The following TNN variants were observed in gnomAD, a reference collection of about 807,000 sequenced individuals.
TNN encodes the protein tenascin N, also known as tenascin-N.
A neutral mutation model predicts 134.4 loss-of-function variants in TNN; 122 were observed. The ratio of observed to expected loss-of-function variants is 0.91; its 90% CI spans 0.78 to 1.06. The LOEUF is 1.06. Ranked by LOEUF, TNN falls within the 50% of genes least tolerant of loss-of-function variation. The pLI is 0.00. For missense variants in TNN, 1,739 were observed against 1,699.4 expected (o/e 1.02, Z -0.41); for synonymous variants, 710 against 670.3 (o/e 1.06, Z -0.91).
chr1:175,104,884 G>A (rs1218693888), intron 9 of TNN, among the ~76,000 whole-genome samples: 1 of 145,628 alleles, frequency 6.9e-6, no homozygotes, highest in Non-Finnish European at 1.5e-5. Flanking sequence ...GGGTTATGGT[G>A]GATATCATTG....
chr1:175,119,608 T>G (rs1675290611), intron 11 of TNN, among the ~76,000 whole-genome samples: 2 of 149,588 alleles, frequency 1.3e-5, no homozygotes, highest in Admixed American at 6.7e-5. Context: ...ATGGACCCAG[T>G]GGGAGCAGTC....
At chr1:175,081,848 C>T (rs981277622) in intron 4 of TNN, among the ~76,000 whole-genome samples, 1 of 152,166 alleles carries the variant, frequency 6.6e-6, no homozygotes, top group Non-Finnish European at 1.5e-5. Flanking sequence ...GGATTGGGTG[C>T]TGTCAAGAAG....
intron 1 of TNN, among the ~76,000 whole-genome samples, chr1:175,075,042 GA>G (rs1421911241): frequency 6.6e-6 from 1 of 152,198 alleles, no homozygotes; most frequent in African/African-American, 2.4e-5. Context: ...TAATTACGAG[GA>G]ATAATGCACC....
intron 9 of TNN, among the ~76,000 whole-genome samples, chr1:175,101,606 A>C (rs1674725966): frequency 1.3e-5 from 2 of 149,468 alleles, no homozygotes; most frequent in East Asian, 4.1e-4. Context: ...GTGCGTTTAC[A>C]ATCCCTGAGC....
At chr1:175,140,459 C>G (rs529612399) in intron 17 of TNN, among the ~76,000 whole-genome samples, 2 of 152,214 alleles carry the variant, frequency 1.3e-5, no homozygotes, top group Non-Finnish European at 2.9e-5. Context: ...CCTGTCCTCC[C>G]GGGCTGCACA....
intron 16 of TNN, among the ~76,000 whole-genome samples, 176 bp downstream of exon 16, chr1:175,136,117 A>G (rs1229890026): frequency 6.6e-6 from 1 of 152,068 alleles, no homozygotes; most frequent in Non-Finnish European, 1.5e-5. Context: ...GCTGTCTTGC[A>G]CTCTGAACTT....
chr1:175,105,016 G>A (rs1289860612), intron 9 of TNN, among the ~76,000 whole-genome samples: 4 of 145,862 alleles, frequency 2.7e-5, no homozygotes, highest in African/African-American at 7.4e-5. Context: ...TACTGGGGAT[G>A]GCTTGCTGAC....
In TNN at chr1:175,098,367, G is replaced by A. The variant is rs1674625268; in HGVS notation, c.1891G>A (p.Val631Met). The A allele has an allele frequency of 5.6e-6, 9 of 1,614,192 alleles. No individual in the cohort carries two copies. The highest frequency in any genetic ancestry group is 1.6e-4 in the Middle Eastern group (1 of 6,062). The change falls in exon 9 of 19, where the codon GTG (valine) becomes ATG (methionine). Residue 631 changes from valine to methionine, a missense_variant. Physicochemically the swap from Val to Met is conservative, Grantham distance 21. Coordinates refer to ENST00000239462, the MANE Select transcript of TNN (RefSeq NM_022093.2). ...CCCCAAAAACCTGGTGACTGACCGG[G>A]TGACAGAGAATATGGCCACGGTCTC... Reference protein sequence around the residue: ...DSPKNLVTDRVTENMATVSWD... With the variant: ...DSPKNLVTDRMTENMATVSWD...
chr1:175,106,442 C>G (rs1255643188), intron 9 of TNN, among the ~76,000 whole-genome samples: 1 of 145,784 alleles, frequency 6.9e-6, no homozygotes, highest in East Asian at 2.3e-4. Flanking sequence ...ACGATGGGGC[C>G]TTGGGCAAAA....
chr1:175,125,717 CTTTCTTTCTTTCTT>C (rs1675499942), intron 12 of TNN, among the ~76,000 whole-genome samples: 1 of 77,062 alleles, frequency 1.3e-5, no homozygotes, highest in Non-Finnish European at 2.3e-5. Flanking sequence ...TTCTTTCTTT[CTTTCTTTCTTTCTT>C]TCTTTCTTTC....
chr1:175,083,714 C>T (rs979408007), intron 4 of TNN, 36 bp from the exon 5 acceptor site: 1 of 1,601,004 alleles, frequency 6.2e-7, no homozygotes, highest in Non-Finnish European at 8.5e-7. Flanking sequence ...CTCTGCTCTT[C>T]ACCACTTTCT....
chr1:175,082,294 G>C (rs1674215290), intron 4 of TNN, among the ~76,000 whole-genome samples: 1 of 152,194 alleles, frequency 6.6e-6, no homozygotes, highest in Non-Finnish European at 1.5e-5. Flanking sequence ...AATTCTGCAA[G>C]TGTGAAGTTT....
At chr1:175,114,228 A>T (rs1341724755) in intron 9 of TNN, among the ~76,000 whole-genome samples, 1 of 152,156 alleles carries the variant, frequency 6.6e-6, no homozygotes, top group Admixed American at 6.5e-5. Context: ...CTTTTACCTC[A>T]GTTGAATTTT....
intron 9 of TNN, among the ~76,000 whole-genome samples, chr1:175,110,501 T>C (rs1674992043): frequency 6.6e-6 from 1 of 152,244 alleles, no homozygotes; most frequent in African/African-American, 2.4e-5. Flanking sequence ...TAGTTTCAGG[T>C]CTTACATTTA....
chr1:175,080,436 C>T lies in TNN; in HGVS notation c.1048+10C>T, dbSNP rs1444792591. ...CTACTTGCCACCACAGGTGAGGAAG[C>T]CACCTGATGCCCCAGGGTTCCCAGG... On this transcript the variant is annotated intron_variant, in intron 4 of 18. Coordinates refer to ENST00000239462, the MANE Select transcript of TNN (RefSeq NM_022093.2). The T allele has an allele frequency of 1.9e-6, 3 of 1,612,972 alleles. No homozygotes were observed. Among genetic ancestry groups the T allele is most frequent in the South Asian group, 2.2e-5 (2 of 91,060 alleles).
At chr1:175,108,233 G>C (rs58664263) in intron 9 of TNN, among the ~76,000 whole-genome samples, 20,774 of 150,894 alleles carry the variant, frequency 0.14, 1,610 homozygotes, top group East Asian at 0.33. Context: ...TAGACATAAA[G>C]GTTCTCCAAG....
intron 9 of TNN, among the ~76,000 whole-genome samples, chr1:175,101,138 C>T (rs932248653): frequency 3.9e-5 from 6 of 152,260 alleles, no homozygotes; most frequent in Middle Eastern, 3.4e-3. Context: ...CGGACCCTCG[C>T]GGTGAGTGTT....
chr1:175,125,613 C>T (rs1056737157), intron 12 of TNN, among the ~76,000 whole-genome samples: 15 of 145,962 alleles, frequency 1.0e-4, no homozygotes, highest in Admixed American at 4.9e-4. Flanking sequence ...CTTTCTTTCT[C>T]TCTCTCTCTC....
intron 7 of TNN, 89 bp downstream of exon 7, chr1:175,094,342 C>A: frequency 1.5e-6 from 2 of 1,344,450 alleles, no homozygotes; most frequent in Non-Finnish European, 2.0e-6. Context: ...CACCTGGCAT[C>A]AGCTCTTTTG....
Sources: allele counts gnomAD v4.1 joint callset (sites outside exome capture counted in the v4.1 genomes callset), GRCh38; gene constraint gnomAD v4.1.1; transcripts MANE v1.5; gene names NCBI Gene and HGNC (gene_info 2026-07-23, HGNC 2026-07-21).